NAF1: variants seen among roughly 807,000 people sequenced by gnomAD.
The protein encoded by NAF1 is H/ACA ribonucleoprotein complex non-core subunit NAF1.
NAF1 carries 11 observed loss-of-function variants against 40.6 expected under a neutral mutation model. The ratio of observed to expected loss-of-function variants is 0.27; its 90% CI spans 0.17 to 0.45. NAF1 has a LOEUF of 0.45. NAF1 is among the 20% of genes least tolerant of loss of function. NAF1 has a pLI of 1.00. For missense variants in NAF1, 607 were observed against 611.1 expected, an observed-to-expected ratio of 0.99 and a Z score of 0.07; for synonymous variants, 260 against 228.5, an observed-to-expected ratio of 1.14 and a Z score of -1.24.
At chr4:163,112,387 T>C (rs929232873) in intron 2 of NAF1, among the ~76,000 whole-genome samples, 2 of 152,054 alleles carry the variant, frequency 1.3e-5, no homozygotes, top group African/African-American at 4.8e-5. Flanking sequence ...TGGAAGCAAA[T>C]ACTGAGATGG....
At chr4:163,152,876 C>G (rs1450568938) in intron 2 of NAF1, among the ~76,000 whole-genome samples, 1 of 152,304 alleles carries the variant, frequency 6.6e-6, no homozygotes, top group South Asian at 2.1e-4. Context: ...CGGGGCTGCG[C>G]GCGGCGCTTG....
At chr4:163,131,563 C>T (rs937809963) in intron 7 of NAF1, among the ~76,000 whole-genome samples, 4 of 152,076 alleles carry the variant, frequency 2.6e-5, no homozygotes, top group Non-Finnish European at 5.9e-5. Flanking sequence ...TAAGACTAAC[C>T]TCACATTCTA....
Position 163,147,007 on chromosome 4 carries a change from T to C in NAF1, c.635-1143A>G, listed in dbSNP as rs62335065. ...ATTTTTCTGTATACATCAAGTCTAATAAATGTTTAAATCATACCACATAAT... is the reference window on the plus strand; with the variant it reads ...ATTTTTCTGTATACATCAAGTCTAACAAATGTTTAAATCATACCACATAAT... On this transcript the variant is annotated intron_variant, in intron 3 of 7. Transcript: ENST00000274054. 4.1e-3 allele frequency among the ~76,000 whole-genome samples: 618 copies of C among 152,302 alleles called. 3 individuals carry two copies. Among genetic ancestry groups the C allele is most frequent in the South Asian group, 0.01 (50 of 4,830 alleles).
Position 163,153,534 on chromosome 4 carries a change from A to G in NAF1, c.541-5100T>C, listed in dbSNP as rs567376743. Among the ~76,000 whole-genome samples the G allele has an allele frequency of 1.1e-3, 175 of 152,188 alleles. 1 individual carries two copies. Among genetic ancestry groups the G allele is most frequent in the Middle Eastern group, 6.8e-3 (2 of 294 alleles). ...TAGCTCAAGGTTTGTAAACACACCA[A>G]TCAGCACCCTGTGTTTAGCTCAAGG... On this transcript the variant is annotated intron_variant, in intron 2 of 7. Coordinates refer to ENST00000274054, the MANE Select transcript of NAF1 (RefSeq NM_138386.3).
At chr4:163,138,281 A>G (rs1731132417) in intron 5 of NAF1, among the ~76,000 whole-genome samples, 1 of 152,118 alleles carries the variant, frequency 6.6e-6, no homozygotes, top group African/African-American at 2.4e-5. Context: ...CCATCACTTA[A>G]AAGAAAAAAG....
In NAF1 at chr4:163,166,379, C is replaced by T; in HGVS notation, c.349G>A (p.Asp117Asn). ...GCACCCGACCTGTCCGAGTCCGAAT[C>T]CGAGTCCGAGGTCTCCAAGGAGTCC... ...APDSLETSDS[D>N]SDSDSETDSD... Residue 117 changes from aspartate (D) to asparagine (N), a missense_variant, in exon 1 of 8, where the codon GAT becomes AAT. Asp to Asn is a conservative substitution (Grantham distance 23). Coordinates refer to ENST00000274054, the MANE Select transcript of NAF1 (RefSeq NM_138386.3). 1 of 1,604,058 alleles carries T rather than the reference C, an allele frequency of 6.2e-7. No homozygotes were observed. Among genetic ancestry groups the T allele is most frequent in the South Asian group, 1.1e-5 (1 of 90,094 alleles).
chr4:163,109,860 G>A (rs1217035618), downstream of NAF1, among the ~76,000 whole-genome samples: 1 of 152,200 alleles, frequency 6.6e-6, no homozygotes, highest in African/African-American at 2.4e-5. Flanking sequence ...ATCAGGTGAG[G>A]TCTGAATAAG....
At chr4:163,163,953 G>T (rs550361235) in intron 2 of NAF1, among the ~76,000 whole-genome samples, 1 of 151,944 alleles carries the variant, frequency 6.6e-6, no homozygotes, top group Non-Finnish European at 1.5e-5. Flanking sequence ...TCTAGGGAAT[G>T]TAAAAAATGT....
intron 7 of NAF1, among the ~76,000 whole-genome samples, chr4:163,130,028 C>T (rs1259860198): frequency 6.6e-6 from 1 of 152,174 alleles, no homozygotes; most frequent in Non-Finnish European, 1.5e-5. Context: ...CCAAAGGTGT[C>T]AACAGAGGCT....
intron 2 of NAF1, among the ~76,000 whole-genome samples, chr4:163,160,173 T>A (rs181256847): frequency 2.5e-4 from 38 of 152,272 alleles, no homozygotes; most frequent in Non-Finnish European, 5.0e-4. Context: ...GTAGGTTATA[T>A]ATAAACCTTC....
intron 2 of NAF1, chr4:163,157,125 A>G (rs995774162): frequency 6.6e-6 from 1 of 152,128 alleles, no homozygotes; most frequent in African/African-American, 2.4e-5. Flanking sequence ...TCAACATACT[A>G]AAGAAGCTCC....
chr4:163,130,186 C>G (rs868601292), intron 7 of NAF1, among the ~76,000 whole-genome samples: 3 of 151,856 alleles, frequency 2.0e-5, no homozygotes, highest in Non-Finnish European at 4.4e-5. Flanking sequence ...ACTCAATATA[C>G]CCAGGTTGCA....
At chr4:163,113,194 T>A (rs1017227283) in intron 2 of NAF1, among the ~76,000 whole-genome samples, 7 of 152,154 alleles carry the variant, frequency 4.6e-5, no homozygotes, top group African/African-American at 1.4e-4. Flanking sequence ...ATATAGATAG[T>A]TCCAGAATAT....
chr4:163,129,953 G>C (rs1339475459), intron 7 of NAF1, among the ~76,000 whole-genome samples: 1 of 152,086 alleles, frequency 6.6e-6, no homozygotes, highest in Non-Finnish European at 1.5e-5. Context: ...GTCCCTACCA[G>C]GCATAAGACC....
chr4:163,156,129 A>C (rs1178474951), intron 2 of NAF1, among the ~76,000 whole-genome samples: 1 of 118,998 alleles, frequency 8.4e-6, no homozygotes, highest in Non-Finnish European at 1.8e-5. Context: ...TATTTACTCA[A>C]TATTAGATAC....
At chr4:163,165,924 AAT>A (rs1015897037) in intron 1 of NAF1, among the ~76,000 whole-genome samples, 15 of 152,170 alleles carry the variant, frequency 9.9e-5, no homozygotes, top group African/African-American at 3.1e-4. Context: ...CACAAAAAAT[AAT>A]ACTTTTCCTG....
intron 3 of NAF1, 69 bp from the exon 4 acceptor site, chr4:163,145,933 G>T: frequency 2.4e-6 from 2 of 817,528 alleles, no homozygotes; most frequent in South Asian, 1.8e-5. Flanking sequence ...GAAAATCTAA[G>T]CTTTAATTCC....
chr4:163,140,414 C>T (rs1731213869), intron 4 of NAF1, 31 bp from the exon 5 acceptor site: 1 of 1,548,680 alleles, frequency 6.5e-7, no homozygotes. Context: ...CCTCTTTTAA[C>T]ATGTAAAATA....
intron 2 of NAF1, among the ~76,000 whole-genome samples, chr4:163,153,935 G>A (rs2111011560): frequency 6.6e-6 from 1 of 152,276 alleles, no homozygotes; most frequent in Middle Eastern, 3.4e-3. Flanking sequence ...AAGATCTGCA[G>A]CTTCACTCCT....
Sources: gnomAD v4.1 joint callset for allele counts (sites outside exome capture counted in the v4.1 genomes callset) on GRCh38, gnomAD v4.1.1 for gene constraint, MANE v1.5 for transcripts, NCBI Gene and HGNC (gene_info 2026-07-23, HGNC 2026-07-21) for gene names.